PRH1: variants seen among roughly 807,000 people sequenced by gnomAD.
The protein encoded by PRH1 is proline rich protein HaeIII subfamily 1.
In PRH1, 7 loss-of-function variants were observed where a neutral mutation model predicts 7.9. The ratio of observed to expected loss-of-function variants is 0.89; its 90% confidence interval spans 0.50 to 1.67. The LOEUF is 1.67. Ranked by LOEUF, PRH1 falls within the 40% of genes most tolerant of loss-of-function variation. The pLI, the probability that PRH1 is intolerant of heterozygous loss-of-function variation, is 0.00. For missense variants in PRH1, 109 were observed against 223.6 expected, an observed-to-expected ratio of 0.49 and a Z score of 3.27; for synonymous variants, 45 against 80.8, an observed-to-expected ratio of 0.56 and a Z score of 2.38.
At chr12:10,950,820 T>C (rs1179707439) in intron 2 of PRH1, among the ~76,000 whole-genome samples, 1 of 151,880 alleles carries the variant, frequency 6.6e-6, no homozygotes, top group South Asian at 2.1e-4. Flanking sequence ...ATAGGCATCA[T>C]AGGAAAATAC....
intron 1 of PRH1, among the ~76,000 whole-genome samples, chr12:11,018,124 G>A (rs561435356): frequency 6.6e-6 from 1 of 152,254 alleles, no homozygotes; most frequent in African/African-American, 2.4e-5. Context: ...AGCTGCTAGA[G>A]GCATGCAACG....
chr12:11,129,326 C>T (rs569119305), intron 1 of PRH1, among the ~76,000 whole-genome samples: 7 of 152,110 alleles, frequency 4.6e-5, no homozygotes, highest in African/African-American at 9.6e-5. Flanking sequence ...GAAATGGATA[C>T]GTATGGCAGC....
intron 2 of PRH1, chr12:10,895,170 G>C (rs1949626248): frequency 6.6e-6 from 1 of 152,170 alleles, no homozygotes. Flanking sequence ...AAGAGGAGTA[G>C]AAATGAAATT....
chr12:11,170,602 G>A (rs527550282), intron 1 of PRH1, among the ~76,000 whole-genome samples: 6 of 152,320 alleles, frequency 3.9e-5, no homozygotes, highest in African/African-American at 1.2e-4. Flanking sequence ...CCAGCTCTTG[G>A]AGCCTAGCCA....
At chr12:10,925,745 T>A in intron 2 of PRH1, among the ~76,000 whole-genome samples, 1 of 152,206 alleles carries the variant, frequency 6.6e-6, no homozygotes, top group Non-Finnish European at 1.5e-5. Context: ...ATAACAGAAC[T>A]TATGTTTCTT....
At chr12:10,918,806 T>C (rs1950007916) in intron 2 of PRH1, among the ~76,000 whole-genome samples, 1 of 152,246 alleles carries the variant, frequency 6.6e-6, no homozygotes, top group Admixed American at 6.5e-5. Context: ...AGGCTGAATT[T>C]TTTATATATG....
intron 1 of PRH1, among the ~76,000 whole-genome samples, chr12:11,064,653 T>C (rs915323613): frequency 3.9e-5 from 6 of 152,188 alleles, no homozygotes; most frequent in Admixed American, 2.6e-4. Context: ...TTATCAATTA[T>C]ATAATTACCC....
chr12:10,911,452 C>T (rs944198546), intron 2 of PRH1, among the ~76,000 whole-genome samples: 3 of 152,054 alleles, frequency 2.0e-5, no homozygotes, highest in Non-Finnish European at 4.4e-5. Flanking sequence ...AGAATAGATG[C>T]TAGGGAGCAT....
chr12:10,982,739 TA>T (rs1356893117), intron 1 of PRH1, among the ~76,000 whole-genome samples: 6 of 152,158 alleles, frequency 3.9e-5, no homozygotes, highest in African/African-American at 1.4e-4. Context: ...AGAAGTAAAA[TA>T]CTGGAAGAAG....
intron 2 of PRH1, chr12:10,932,269 T>G (rs1480257510): frequency 2.4e-6 from 1 of 423,522 alleles, no homozygotes; most frequent in Non-Finnish European, 4.9e-6. Context: ...CCTTGAAACA[T>G]AATGTGATCA....
At chr12:11,012,050 A>G (rs1941091393) in intron 1 of PRH1, among the ~76,000 whole-genome samples, 1 of 152,156 alleles carries the variant, frequency 6.6e-6, no homozygotes, top group African/African-American at 2.4e-5. Context: ...TAATATTTAA[A>G]TATGAATTGT....
upstream of PRH1, among the ~76,000 whole-genome samples, chr12:11,051,621 C>T (rs570797727): frequency 1.1e-4 from 17 of 151,862 alleles, no homozygotes; most frequent in South Asian, 4.2e-4. Context: ...TAATACGCAA[C>T]GTCCATAATT....
At chr12:10,910,154 T>G (rs903238115) in intron 2 of PRH1, among the ~76,000 whole-genome samples, 2 of 152,356 alleles carry the variant, frequency 1.3e-5, no homozygotes, top group South Asian at 4.1e-4. Context: ...CCATGAGGCC[T>G]ATGTCCCAAG....
chr12:11,112,095 T>C (rs958223558), intron 1 of PRH1, among the ~76,000 whole-genome samples: 20 of 152,296 alleles, frequency 1.3e-4, no homozygotes, highest in African/African-American at 4.3e-4. Context: ...ATCCCAAGTC[T>C]AAACCAGGAA....
At chr12:11,026,486 T>C (rs962848077) in intron 1 of PRH1, among the ~76,000 whole-genome samples, 1 of 130,104 alleles carries the variant, frequency 7.7e-6, no homozygotes, top group African/African-American at 2.8e-5. Flanking sequence ...TCGTGAACTG[T>C]AGAGTAAAGG....
chr12:11,070,821 TTTTC>T (rs2136205980), intron 1 of PRH1, among the ~76,000 whole-genome samples: 1 of 144,314 alleles, frequency 6.9e-6, no homozygotes, highest in Non-Finnish European at 1.6e-5. Context: ...TTTTCTTTTG[TTTTC>T]TGTGTTATTT....
At chr12:10,956,174 C>T (rs1937945948) in intron 2 of PRH1, among the ~76,000 whole-genome samples, 1 of 151,814 alleles carries the variant, frequency 6.6e-6, no homozygotes, top group Non-Finnish European at 1.5e-5. Context: ...AAAAACACTC[C>T]ACAAAATGCC....
chr12:11,035,962 C>A (rs147878123), intron 1 of PRH1, among the ~76,000 whole-genome samples: 5 of 152,274 alleles, frequency 3.3e-5, no homozygotes, highest in African/African-American at 1.2e-4. Context: ...GGCGCGATCT[C>A]GGCTCACTGC....
intron 2 of PRH1, among the ~76,000 whole-genome samples, chr12:10,921,958 G>C (rs540760438): frequency 6.6e-6 from 1 of 152,140 alleles, no homozygotes; most frequent in African/African-American, 2.4e-5. Flanking sequence ...GTAGAGGGCA[G>C]TGGGGTCTCA....
Sources: gnomAD v4.1 joint callset for allele counts (sites outside exome capture counted in the v4.1 genomes callset) on GRCh38, gnomAD v4.1.1 for gene constraint, MANE v1.5 for transcripts, NCBI Gene and HGNC (gene_info 2026-07-23, HGNC 2026-07-21) for gene names.